The following SYNDIG1L variants were observed in gnomAD, a reference collection of about 807,000 sequenced individuals.
The protein encoded by SYNDIG1L is synapse differentiation-inducing gene protein 1-like.
SYNDIG1L carries 13 observed loss-of-function variants against 20.1 expected under a neutral mutation model. The observed-to-expected ratio is 0.65, with a 90% CI of 0.42 to 1.03. The LOEUF (loss-of-function observed/expected upper bound fraction) is 1.03. SYNDIG1L is among the 50% of genes least tolerant of loss of function. SYNDIG1L has a pLI of 0.00. For missense variants in SYNDIG1L, 294 were observed against 305.1 expected (o/e 0.96, Z 0.27); for synonymous variants, 128 against 129.3 (o/e 0.99, Z 0.07).
chr14:74,458,429 CAA>C, the SYNDIG1L span, among the ~76,000 whole-genome samples: 1 of 150,152 alleles, frequency 6.7e-6, no homozygotes, highest in African/African-American at 2.5e-5. Context: ...CCAGCCTGGC[CAA>C]CATGGTGAAG....
intron 1 of SYNDIG1L, 141 bp from the exon 2 acceptor site, chr14:74,409,942 G>T: frequency 1.7e-6 from 1 of 577,638 alleles, no homozygotes; most frequent in Non-Finnish European, 2.6e-6. Flanking sequence ...CCTGGAACTG[G>T]CTACTTCACT....
At position 74,407,442 on chromosome 14, in the gene SYNDIG1L, T is replaced by C; in HGVS notation, c.*93A>G. On this transcript the variant is annotated 3_prime_UTR_variant, in exon 4 of 4. Transcript: ENST00000331628. ...GCAAGCCACTCTCACGGGATCATCT[T>C]CAGGGGCCGGGCCTTTCCATAGGGT... The C allele has an allele frequency of 6.4e-7, 1 of 1,556,156 alleles. No homozygotes were observed. The highest frequency in any genetic ancestry group is 8.7e-7 in the Non-Finnish European group (1 of 1,147,132).
At chr14:74,448,506 A>G in the SYNDIG1L span, among the ~76,000 whole-genome samples, 1 of 152,224 alleles carries the variant, frequency 6.6e-6, no homozygotes, top group African/African-American at 2.4e-5. Flanking sequence ...AAAAACTGAT[A>G]GAATTGCAAG....
the SYNDIG1L span, among the ~76,000 whole-genome samples, chr14:74,478,099 T>C: frequency 6.6e-6 from 1 of 152,228 alleles, no homozygotes; most frequent in African/African-American, 2.4e-5. Flanking sequence ...TTCTGAAATA[T>C]CTACTTATAC....
the SYNDIG1L span, chr14:74,472,206 T>A: frequency 6.6e-6 from 1 of 152,208 alleles, no homozygotes; most frequent in Non-Finnish European, 1.5e-5. Context: ...GGCCTTGGAA[T>A]TCTCCCTCTC....
the SYNDIG1L span, among the ~76,000 whole-genome samples, chr14:74,459,493 G>C: frequency 2.0e-5 from 3 of 152,204 alleles, no homozygotes; most frequent in Admixed American, 6.5e-5. Flanking sequence ...GACAGTGTGA[G>C]ATCGTGTCTC....
At chr14:74,458,440 A>C in the SYNDIG1L span, among the ~76,000 whole-genome samples, 1 of 143,866 alleles carries the variant, frequency 7.0e-6, no homozygotes, top group East Asian at 2.0e-4. Flanking sequence ...AACATGGTGA[A>C]GACCCTGTGT....
At chr14:74,479,423 C>T in the SYNDIG1L span, 1 of 152,286 alleles carries the variant, frequency 6.6e-6, no homozygotes, top group African/African-American at 2.4e-5. Flanking sequence ...CCCTGTACCA[C>T]CTAAGAGCTG....
the SYNDIG1L span, among the ~76,000 whole-genome samples, chr14:74,464,762 C>T: frequency 6.6e-6 from 1 of 152,110 alleles, no homozygotes; most frequent in Non-Finnish European, 1.5e-5. Flanking sequence ...CATGGTCCCA[C>T]AGATTCACAG....
chr14:74,436,689 A>G, the SYNDIG1L span, among the ~76,000 whole-genome samples: 1 of 151,896 alleles, frequency 6.6e-6, no homozygotes, highest in East Asian at 2.0e-4. Flanking sequence ...TTTCTACTAA[A>G]AATACAAAAA....
At chr14:74,469,652 G>GT in the SYNDIG1L span, among the ~76,000 whole-genome samples, 1 of 152,134 alleles carries the variant, frequency 6.6e-6, no homozygotes, top group African/African-American at 2.4e-5. Context: ...GGTTTTGATT[G>GT]TTTGTGTTCC....
rs2086110981 is a variant in SYNDIG1L at position 74,409,315 on chromosome 14, C to T, written c.417+13G>A. On this transcript the variant is annotated intron_variant, in intron 2 of 3. Coordinates refer to ENST00000331628, the MANE Select transcript of SYNDIG1L (RefSeq NM_001105579.2). The stretch of plus-strand genomic sequence containing the variant: ...CTCATGCTGGAATCTGCATTTTAAC[C>T]TCATGCACTCACCTCCTCTTCCTCC... 1 of 1,492,238 alleles carries T rather than the reference C, an allele frequency of 6.7e-7. No homozygotes were observed. The highest frequency in any genetic ancestry group is 9.0e-7 in the Non-Finnish European group (1 of 1,112,716). 92.4% of individuals were successfully genotyped at this position (1,492,238 alleles called of 1,614,324 possible).
the SYNDIG1L span, among the ~76,000 whole-genome samples, chr14:74,441,528 C>T: frequency 6.6e-6 from 1 of 152,062 alleles, no homozygotes; most frequent in Non-Finnish European, 1.5e-5. Flanking sequence ...ATATTAGAGG[C>T]AGGGCTTTGC....
chr14:74,461,584 C>A, the SYNDIG1L span, among the ~76,000 whole-genome samples: 3 of 151,954 alleles, frequency 2.0e-5, no homozygotes, highest in East Asian at 3.9e-4. Flanking sequence ...TTTCCCATGC[C>A]CTTCTCTCTA....
At chr14:74,422,991 A>G (rs1476335141) in intron 1 of SYNDIG1L, among the ~76,000 whole-genome samples, 3 of 152,000 alleles carry the variant, frequency 2.0e-5, no homozygotes, top group South Asian at 2.1e-4. Context: ...GAGCCACTGC[A>G]CCTGGCCACA....
chr14:74,467,448 G>C, the SYNDIG1L span, among the ~76,000 whole-genome samples: 44 of 152,246 alleles, frequency 2.9e-4, no homozygotes, highest in African/African-American at 9.1e-4. Context: ...CCCCAGGAGA[G>C]GGGGCAGGGG....
At chr14:74,475,814 G>A in the SYNDIG1L span, among the ~76,000 whole-genome samples, 900 of 152,146 alleles carry the variant, frequency 5.9e-3, 4 homozygotes, top group African/African-American at 0.019. Flanking sequence ...GATTTTCCCC[G>A]CCCTCACAAT....
chr14:74,457,029 G>A, the SYNDIG1L span, among the ~76,000 whole-genome samples: 1 of 152,326 alleles, frequency 6.6e-6, no homozygotes, highest in African/African-American at 2.4e-5. Flanking sequence ...TGCCACAACG[G>A]TCTGAGTGTT....
At chr14:74,423,230 T>C (rs112842741) in intron 1 of SYNDIG1L, among the ~76,000 whole-genome samples, 23 of 152,334 alleles carry the variant, frequency 1.5e-4, no homozygotes, top group African/African-American at 5.5e-4. Context: ...AGATGTCATC[T>C]GCCTGGGTGA....
Sources: gnomAD v4.1 joint callset for allele counts (sites outside exome capture counted in the v4.1 genomes callset) on GRCh38, gnomAD v4.1.1 for gene constraint, MANE v1.5 for transcripts, NCBI Gene and HGNC (gene_info 2026-07-23, HGNC 2026-07-21) for gene names.